RORA: variants seen among roughly 807,000 people sequenced by gnomAD.
RORA encodes the protein RAR related orphan receptor A, also known as nuclear receptor ROR-alpha.
In RORA, 7 loss-of-function variants were observed where a neutral mutation model predicts 69.5. That is an observed-to-expected ratio of 0.10 (90% CI 0.06 to 0.19). The LOEUF is 0.19. RORA is among the 10% of genes least tolerant of loss of function. The pLI, the probability that RORA is intolerant of heterozygous loss-of-function variation, is 1.00. For missense variants in RORA, 457 were observed against 663.0 expected, an observed-to-expected ratio of 0.69 and a Z score of 3.41; for synonymous variants, 261 against 240.8, an observed-to-expected ratio of 1.08 and a Z score of -0.78.
intron 1 of RORA, among the ~76,000 whole-genome samples, chr15:61,072,357 T>A (rs1422761682): frequency 6.6e-6 from 1 of 152,224 alleles, no homozygotes; most frequent in Non-Finnish European, 1.5e-5. Flanking sequence ...TATATTTTTA[T>A]GTAATGATTT....
rs1296907892 is a variant in RORA, at chr15:60,531,863, G to A, written c.197-12C>T. 5 of 1,538,988 alleles carry A rather than the reference G, an allele frequency of 3.2e-6. No individual in the cohort carries two copies. Among genetic ancestry groups the A allele is most frequent in the African/African-American group, 2.8e-5 (2 of 71,706 alleles). ...AATTTCAATTTGAGCTGCAACAGAA[G>A]CACGCAACCAGTTAATTACATTTTC... is the stretch of plus-strand genomic sequence containing the variant. On this transcript the variant is annotated splice_polypyrimidine_tract_variant and intron_variant, in intron 2 of 10. Coordinates refer to ENST00000335670, the MANE Select transcript of RORA (RefSeq NM_134261.3). This position sits in a 1 kb window ranked among gnomAD's most constrained non-coding sequence, Gnocchi z 4.8.
At chr15:60,649,369 C>A (rs1354241594) in intron 2 of RORA, among the ~76,000 whole-genome samples, 1 of 152,102 alleles carries the variant, frequency 6.6e-6, no homozygotes, top group African/African-American at 2.4e-5. Flanking sequence ...GCCTCCCACA[C>A]ACATATTGAG....
At chr15:61,108,882 A>G (rs1186860444) in intron 1 of RORA, among the ~76,000 whole-genome samples, 1 of 152,164 alleles carries the variant, frequency 6.6e-6, no homozygotes. Flanking sequence ...CTGTCTGTAA[A>G]AAGCACTAAC....
intron 1 of RORA, among the ~76,000 whole-genome samples, chr15:61,183,430 G>A (rs2079707833): frequency 6.6e-6 from 1 of 151,780 alleles, no homozygotes; most frequent in African/African-American, 2.4e-5. Flanking sequence ...ACCTACTTGG[G>A]AGGCTGAGGC....
chr15:60,892,163 C>G (rs2073819357), intron 1 of RORA, among the ~76,000 whole-genome samples: 1 of 152,168 alleles, frequency 6.6e-6, no homozygotes. Flanking sequence ...ATGAGGCCAA[C>G]ATCTTCATTA....
At chr15:60,946,339 C>T (rs1430186292) in intron 1 of RORA, among the ~76,000 whole-genome samples, 1 of 149,132 alleles carries the variant, frequency 6.7e-6, no homozygotes, top group Non-Finnish European at 1.5e-5. Context: ...ACTGTACTGC[C>T]GCCATCTCTG....
intron 1 of RORA, among the ~76,000 whole-genome samples, chr15:61,169,829 T>A (rs1282989203): frequency 6.6e-6 from 1 of 151,868 alleles, no homozygotes; most frequent in African/African-American, 2.4e-5. Context: ...GAAGAAAAAT[T>A]CATTGGATTT....
rs140312725 is a variant in RORA at position 61,097,114 on chromosome 15, A to T, written c.166+131939T>A. ...GTACTACAAAGAGGAAAAAGCAAAC[A>T]AGAGGGGGAGTGTTTCCGATGGGGC... On this transcript the variant is annotated intron_variant, in intron 1 of 10. Coordinates refer to ENST00000335670, the MANE Select transcript of RORA (RefSeq NM_134261.3). Among the ~76,000 whole-genome samples the T allele has an allele frequency of 3.2e-3, 490 of 152,308 alleles. 5 individuals carry two copies. Among genetic ancestry groups the T allele is most frequent in the African/African-American group, 0.012 (482 of 41,576 alleles).
At chr15:60,542,318 G>GCA (rs751419143) in intron 2 of RORA, among the ~76,000 whole-genome samples, 5 of 151,078 alleles carry the variant, frequency 3.3e-5, no homozygotes, top group Non-Finnish European at 7.4e-5. Context: ...GGTAACACAG[G>GCA]CACACACACA....
At chr15:60,976,693 G>T (rs921088501) in intron 1 of RORA, among the ~76,000 whole-genome samples, 27 of 152,120 alleles carry the variant, frequency 1.8e-4, no homozygotes, top group Non-Finnish European at 1.0e-4. Context: ...GGAGACCCCA[G>T]ACGGGCTCAT....
At chr15:61,167,482 ATTTTTTTTTTTTTTTTTTTT>A (rs199752865) in intron 1 of RORA, among the ~76,000 whole-genome samples, 55,963 of 133,316 alleles carry the variant, frequency 0.42, 12,434 homozygotes, top group Non-Finnish European at 0.5. Flanking sequence ...TTTGACCAGG[ATTTTTTTTTTTTTTTTTTTT>A]TTTTTTTTTT....
At chr15:61,113,562 G>C (rs572235357) in intron 1 of RORA, among the ~76,000 whole-genome samples, 1 of 152,168 alleles carries the variant, frequency 6.6e-6, no homozygotes, top group Non-Finnish European at 1.5e-5. Context: ...ACAGCTCTTC[G>C]TAAACCAGGT....
chr15:60,555,923 G>A (rs888862456), intron 2 of RORA, among the ~76,000 whole-genome samples: 1 of 151,904 alleles, frequency 6.6e-6, no homozygotes, highest in Non-Finnish European at 1.5e-5. Context: ...TTCTATTTCC[G>A]GCCTTTACTC....
intron 1 of RORA, among the ~76,000 whole-genome samples, chr15:60,933,494 T>G (rs1013486333): frequency 1.3e-5 from 2 of 152,208 alleles, no homozygotes; most frequent in African/African-American, 4.8e-5. Context: ...TCTTCTCTTG[T>G]GAAGCCCCCT....
At chr15:60,501,165 A>G in intron 8 of RORA, 96 bp from the exon 9 acceptor site, 2 of 617,884 alleles carry the variant, frequency 3.2e-6, no homozygotes, top group Non-Finnish European at 5.9e-6. Flanking sequence ...CCTAAGTCCA[A>G]TAGAAGGTCT....
intron 1 of RORA, among the ~76,000 whole-genome samples, chr15:61,201,663 A>G (rs1437032611): frequency 6.6e-6 from 1 of 152,236 alleles, no homozygotes; most frequent in Non-Finnish European, 1.5e-5. Context: ...AGAAGTTTTC[A>G]CACCACTTGG....
chr15:61,157,745 C>G (rs2079457538), intron 1 of RORA, among the ~76,000 whole-genome samples: 1 of 152,190 alleles, frequency 6.6e-6, no homozygotes, highest in Non-Finnish European at 1.5e-5. Flanking sequence ...AGCTGAGTGA[C>G]TGGCCCTAGT....
intron 1 of RORA, among the ~76,000 whole-genome samples, chr15:60,921,109 G>A (rs1892031440): frequency 6.6e-6 from 1 of 152,170 alleles, no homozygotes. Context: ...AGAGACAAAT[G>A]GGTGATAGAA....
intron 2 of RORA, among the ~76,000 whole-genome samples, chr15:60,568,520 G>A (rs1168145407): frequency 1.3e-5 from 2 of 152,200 alleles, no homozygotes; most frequent in African/African-American, 2.4e-5. Flanking sequence ...ATGATTCTAA[G>A]GAAGGAAGAA....
Sources: allele counts gnomAD v4.1 joint callset (sites outside exome capture counted in the v4.1 genomes callset), GRCh38; gene constraint gnomAD v4.1.1; non-coding constraint Gnocchi (gnomAD v3.1); transcripts MANE v1.5; gene names NCBI Gene and HGNC (gene_info 2026-07-23, HGNC 2026-07-21).